ATP6V1C2: variants seen among roughly 807,000 people sequenced by gnomAD.
ATP6V1C2 encodes the protein ATPase H+ transporting V1 subunit C2.
In ATP6V1C2, 45 loss-of-function variants were observed where a neutral mutation model predicts 56.8. The ratio of observed to expected loss-of-function variants is 0.79; its 90% CI spans 0.62 to 1.02. The LOEUF (loss-of-function observed/expected upper bound fraction) is 1.02. Ranked by LOEUF, ATP6V1C2 falls within the 50% of genes least tolerant of loss-of-function variation. The pLI is 0.00. For missense variants in ATP6V1C2, 463 were observed against 519.7 expected (o/e 0.89, Z 1.06); for synonymous variants, 220 against 201.3 (o/e 1.09, Z -0.79).
chr2:10,744,007 T>G (rs1304325232), intron 3 of ATP6V1C2, among the ~76,000 whole-genome samples: 1 of 146,234 alleles, frequency 6.8e-6, no homozygotes. Context: ...ATAATAATAA[T>G]AAATAAATAA....
chr2:10,774,713 G>GC, intron 8 of ATP6V1C2, 75 bp from the exon 9 acceptor site: 1 of 1,330,342 alleles, frequency 7.5e-7, no homozygotes, highest in South Asian at 1.2e-5. Context: ...AGGCCACCAG[G>GC]CCCGGGGCCT....
At chr2:10,723,321 T>C (rs1661461046) in intron 2 of ATP6V1C2, among the ~76,000 whole-genome samples, 1 of 152,190 alleles carries the variant, frequency 6.6e-6, no homozygotes, top group Non-Finnish European at 1.5e-5. Flanking sequence ...TCCTGGTTTG[T>C]CTGCAACATC....
intron 4 of ATP6V1C2, 38 bp downstream of exon 4, chr2:10,754,104 C>A: frequency 6.5e-7 from 1 of 1,532,720 alleles, no homozygotes; most frequent in Non-Finnish European, 8.9e-7. Context: ...GCACAATCTC[C>A]CCGCTCCCTC....
At chr2:10,724,818 A>G (rs1339747100) in intron 2 of ATP6V1C2, among the ~76,000 whole-genome samples, 2 of 151,928 alleles carry the variant, frequency 1.3e-5, no homozygotes, top group East Asian at 1.9e-4. Flanking sequence ...GATTACAGGC[A>G]CATGCCACCA....
chr2:10,740,397 C>A (rs1298249047), intron 3 of ATP6V1C2, among the ~76,000 whole-genome samples: 1 of 152,174 alleles, frequency 6.6e-6, no homozygotes, highest in Non-Finnish European at 1.5e-5. Flanking sequence ...ATCCCCTGGG[C>A]TGGGCTGCAG....
intron 2 of ATP6V1C2, among the ~76,000 whole-genome samples, chr2:10,724,531 T>G (rs759471708): frequency 9.2e-5 from 14 of 152,198 alleles, no homozygotes; most frequent in Non-Finnish European, 7.4e-5. Context: ...TGATACTGTG[T>G]GTGAGGCACT....
chr2:10,736,185 T>C (rs1237891476), intron 3 of ATP6V1C2, among the ~76,000 whole-genome samples: 1 of 152,292 alleles, frequency 6.6e-6, no homozygotes, highest in South Asian at 2.1e-4. Context: ...GTGATACTGA[T>C]GCTGCGGGCC....
At position 10,763,042 on chromosome 2, in the gene ATP6V1C2, ATC is replaced by A; in HGVS notation, c.284-1286_284-1285del. 6.6e-6 allele frequency among the ~76,000 whole-genome samples: 1 copy of A among 152,070 alleles called. No homozygotes were observed. Among genetic ancestry groups the A allele is most frequent in the Non-Finnish European group, 1.5e-5 (1 of 67,994 alleles). ...GGGCGCTGCTGTTGGGGTTGGAGGA[ATC>A]TCAGTCCAATTCCCGTGCTAGGGGC... On this transcript the variant is annotated intron_variant, in intron 4 of 13. Coordinates refer to ENST00000272238, the MANE Select transcript of ATP6V1C2 (RefSeq NM_001039362.2). The surrounding 1 kb of genome is among the most constrained non-coding windows in gnomAD (Gnocchi z 4.2).
At chr2:10,756,672 C>T (rs59051165) in intron 4 of ATP6V1C2, among the ~76,000 whole-genome samples, 22,560 of 152,018 alleles carry the variant, frequency 0.15, 1,880 homozygotes, top group East Asian at 0.27. Flanking sequence ...GAGCCGAGAT[C>T]GCACATTGTA....
intron 6 of ATP6V1C2, among the ~76,000 whole-genome samples, chr2:10,770,291 G>A (rs1292433844): frequency 1.3e-5 from 2 of 152,104 alleles, no homozygotes; most frequent in African/African-American, 4.8e-5. Flanking sequence ...CCAGCTACTC[G>A]GGAGGCTGAG....
intron 3 of ATP6V1C2, among the ~76,000 whole-genome samples, chr2:10,727,731 T>G (rs553005525): frequency 2.7e-4 from 41 of 151,978 alleles, no homozygotes; most frequent in African/African-American, 9.2e-4. Flanking sequence ...AAACTTCGTC[T>G]CTACTAAAAA....
chr2:10,726,483 G>T lies in ATP6V1C2; in HGVS notation c.130-19G>T, dbSNP rs775207898. 1 of 1,611,240 alleles carries T rather than the reference G, an allele frequency of 6.2e-7. No individual in the cohort carries two copies. The highest frequency in any genetic ancestry group is 8.5e-7 in the Non-Finnish European group (1 of 1,177,460). ...GGCCAGAAACCTGTGAGCCTCTGAC[G>T]TTTTTATGATCTGTCTAGGTGGGGA... On this transcript the variant is annotated intron_variant, in intron 2 of 13. Coordinates refer to ENST00000272238, the MANE Select transcript of ATP6V1C2 (RefSeq NM_001039362.2).
At chr2:10,754,542 ATTTTCTTTTC>A (rs141329846) in intron 4 of ATP6V1C2, among the ~76,000 whole-genome samples, 3,964 of 145,242 alleles carry the variant, frequency 0.027, 81 homozygotes, top group African/African-American at 0.045. Context: ...TATTATGATA[ATTTTCTTTTC>A]TTTTCTTTTC....
chr2:10,730,651 AC>A (rs1166795880), intron 3 of ATP6V1C2, among the ~76,000 whole-genome samples: 18 of 123,244 alleles, frequency 1.5e-4, no homozygotes, highest in African/African-American at 5.5e-4. Context: ...ACAGGTGTAA[AC>A]CTTTTTTTTT....
chr2:10,775,126 A>G lies in ATP6V1C2; in HGVS notation c.825+55A>G, dbSNP rs534087926. The G allele has an allele frequency of 5.1e-6, 7 of 1,364,868 alleles. No homozygotes were observed. In the East Asian group the frequency reaches 1.1e-4, roughly 22 times the overall value. The allele number at this position is 1,364,868 out of a possible 1,614,324, so 84.5% of individuals were successfully genotyped here. On this transcript the variant is annotated intron_variant, in intron 10 of 13. Transcript: ENST00000272238. ...CCCCTACCCGGAGGCCTGGGGATAG[A>G]AGAGTCCTCCCAGGTCTCCAGCTCT... is the stretch of plus-strand genomic sequence containing the variant.
intron 3 of ATP6V1C2, chr2:10,744,061 A>G (rs1356431512): frequency 6.6e-6 from 1 of 152,098 alleles, no homozygotes; most frequent in African/African-American, 2.4e-5. Context: ...GTGTGCCTGC[A>G]GTCCCAGCTA....
At chr2:10,781,772 A>C (rs139612178) in intron 12 of ATP6V1C2, among the ~76,000 whole-genome samples, 1 of 152,328 alleles carries the variant, frequency 6.6e-6, no homozygotes, top group East Asian at 1.9e-4. Flanking sequence ...CATCCCAACA[A>C]CTGGTTTTAA....
chr2:10,774,868 C>G lies in ATP6V1C2; in HGVS notation c.719C>G (p.Ala240Gly). 1 of 1,614,144 alleles carries G rather than the reference C, an allele frequency of 6.2e-7. No homozygotes were observed. The highest frequency in any genetic ancestry group is 8.5e-7 in the Non-Finnish European group (1 of 1,179,994). Reference sequence around the variant, plus strand: ...GTGATTGAAGATTTCAAAACCAAGGCCAAAGAAAACAAGTAAGGGTCCTCC... The same window carrying G: ...GTGATTGAAGATTTCAAAACCAAGGGCAAAGAAAACAAGTAAGGGTCCTCC... ...RKVIEDFKTK[A>G]KENKFTVREF... The change falls in exon 9 of 14, where the codon GCC becomes GGC. Residue 240 changes from alanine to glycine, a missense_variant. Physicochemically the swap from Ala to Gly is moderately conservative, Grantham distance 60 (BLOSUM62 0). Coordinates refer to ENST00000272238, the MANE Select transcript of ATP6V1C2 (RefSeq NM_001039362.2).
chr2:10,760,933 C>CGG (rs374505906), intron 4 of ATP6V1C2, among the ~76,000 whole-genome samples: 13 of 151,976 alleles, frequency 8.6e-5, no homozygotes, highest in African/African-American at 3.1e-4. Context: ...TCATGGTTGC[C>CGG]GGCGGGGGTC....
Sources: gnomAD v4.1 joint callset for allele counts (sites outside exome capture counted in the v4.1 genomes callset) on GRCh38, gnomAD v4.1.1 for gene constraint, Gnocchi (gnomAD v3.1) non-coding constraint, MANE v1.5 for transcripts, NCBI Gene and HGNC (gene_info 2026-07-23, HGNC 2026-07-21) for gene names.